Variants in ESYT2 observed in about 807,000 individuals in gnomAD.
ESYT2 encodes extended synaptotagmin 2, also known as extended synaptotagmin-2.
ESYT2 carries 54 observed loss-of-function variants against 107.2 expected under a neutral mutation model. The observed-to-expected ratio is 0.50, with a 90% CI of 0.40 to 0.63. The LOEUF is 0.63. Among genes scored for constraint, ESYT2 ranks in the 30% least tolerant of loss-of-function variants. The pLI is 0.00. For synonymous variants in ESYT2, 491 were observed against 434.1 expected, an observed-to-expected ratio of 1.13 and a Z score of -1.63; for missense variants, 1,020 against 1,094.5, an observed-to-expected ratio of 0.93 and a Z score of 0.96.
chr7:158,740,854 G>A (rs567285181), intron 18 of ESYT2, among the ~76,000 whole-genome samples: 7 of 152,070 alleles, frequency 4.6e-5, no homozygotes, highest in Admixed American at 2.0e-4. Flanking sequence ...CTTTGCCTCC[G>A]TTTCTGTTAC....
chr7:158,780,511 G>A (rs1838736568), intron 6 of ESYT2, among the ~76,000 whole-genome samples: 1 of 152,184 alleles, frequency 6.6e-6, no homozygotes, highest in South Asian at 2.1e-4. Context: ...AATTGTCTTA[G>A]AATCATTTCA....
At chr7:158,764,252 A>G (rs148905491) in intron 9 of ESYT2, among the ~76,000 whole-genome samples, 178 of 152,304 alleles carry the variant, frequency 1.2e-3, no homozygotes, top group African/African-American at 4.1e-3. Flanking sequence ...ATTCGATGGA[A>G]TGGTTATTAA....
Position 158,793,744 on chromosome 7 carries a change from T to C in ESYT2, c.508-18A>G, listed in dbSNP as rs748304849. On this transcript the variant is annotated intron_variant, in intron 3 of 22. Transcript: ENST00000275418. ...CTGAGGGGCTGAAATAAGAAGTAGC[T>C]TATTTTAAGATACAGAGGTTAAAAA... The C allele has an allele frequency of 4.4e-6, 7 of 1,601,168 alleles. No individual in the cohort carries two copies. In the East Asian group the frequency reaches 1.6e-4, roughly 36 times the overall value.
chr7:158,766,739 G>A (rs1015128119), intron 8 of ESYT2, among the ~76,000 whole-genome samples: 1 of 152,140 alleles, frequency 6.6e-6, no homozygotes, highest in Non-Finnish European at 1.5e-5. Context: ...AACTTACCAC[G>A]TCCTGTTTCA....
chr7:158,740,668 G>C (rs1280761329), intron 18 of ESYT2, among the ~76,000 whole-genome samples: 3 of 152,154 alleles, frequency 2.0e-5, no homozygotes, highest in African/African-American at 4.8e-5. Flanking sequence ...CTGAGAAAAA[G>C]TGTTTCCTTG....
At position 158,753,716 on chromosome 7, in the gene ESYT2, G is replaced by A. The variant is rs757268527; in HGVS notation, c.1420-873C>T. Among the ~76,000 whole-genome samples the A allele has an allele frequency of 7.9e-4, 119 of 150,100 alleles. 1 individual carries two copies. The highest frequency in any genetic ancestry group is 4.7e-4 in the Admixed American group (7 of 14,986). Reference sequence around the variant, plus strand: ...GGCCAGGAGAGAAGATGGAACATGCGGCCAGGCAGGAATTCACATGACCCT... The same window carrying A: ...GGCCAGGAGAGAAGATGGAACATGCAGCCAGGCAGGAATTCACATGACCCT... On this transcript the variant is annotated intron_variant, in intron 13 of 22. Transcript: ENST00000275418.
intron 6 of ESYT2, among the ~76,000 whole-genome samples, chr7:158,785,788 G>C (rs1047471703): frequency 6.6e-6 from 1 of 152,066 alleles, no homozygotes; most frequent in African/African-American, 2.4e-5. Context: ...CTCCAACTTC[G>C]TCACCTCAGC....
At chr7:158,772,701 C>T (rs1300898918) in intron 7 of ESYT2, among the ~76,000 whole-genome samples, 10 of 152,090 alleles carry the variant, frequency 6.6e-5, no homozygotes, top group African/African-American at 2.4e-4. Context: ...GATGCACCCT[C>T]CAGGGCCTCA....
intron 1 of ESYT2, among the ~76,000 whole-genome samples, chr7:158,807,253 G>C (rs929975258): frequency 4.2e-4 from 2 of 4,776 alleles, no homozygotes; most frequent in Non-Finnish European, 1.1e-3. Context: ...TCCGTCTGAA[G>C]GAAAAAAAAA....
At chr7:158,772,894 T>TAAAAAAAAAAAA in intron 7 of ESYT2, among the ~76,000 whole-genome samples, 1 of 142,014 alleles carries the variant, frequency 7.0e-6, no homozygotes, top group African/African-American at 2.6e-5. Context: ...GAATAAAAGT[T>TAAAAAAAAAAAA]AAAAAAAAAA....
intron 6 of ESYT2, among the ~76,000 whole-genome samples, chr7:158,784,426 C>G (rs1839037974): frequency 6.6e-6 from 1 of 152,224 alleles, no homozygotes; most frequent in Non-Finnish European, 1.5e-5. Context: ...GCTCACAAGC[C>G]TGTAATCCCA....
At chr7:158,781,960 CGA>C (rs1415335301) in intron 6 of ESYT2, among the ~76,000 whole-genome samples, 8 of 110,958 alleles carry the variant, frequency 7.2e-5, no homozygotes, top group South Asian at 7.3e-4. Context: ...CAAGTGTGAA[CGA>C]GTGTGAGAAC....
At chr7:158,796,651 C>T (rs114660767) in intron 3 of ESYT2, among the ~76,000 whole-genome samples, 2,401 of 152,282 alleles carry the variant, frequency 0.016, 73 homozygotes, top group African/African-American at 0.055. Context: ...AGCCATGAGA[C>T]GGAGGCTGAC....
intron 16 of ESYT2, among the ~76,000 whole-genome samples, chr7:158,745,061 G>A (rs1325860940): frequency 6.6e-6 from 1 of 152,174 alleles, no homozygotes; most frequent in African/African-American, 2.4e-5. Flanking sequence ...GTATCAGATT[G>A]GGGCAAAAGT....
chr7:158,798,646 C>CA lies in ESYT2; in HGVS notation c.372+384dup, dbSNP rs57351086. Among the ~76,000 whole-genome samples the CA allele has an allele frequency of 6.1e-3, 305 of 49,870 alleles. 50 individuals are homozygous for CA. Among genetic ancestry groups the CA allele is most frequent in the African/African-American group, 0.016 (183 of 11,314 alleles). The allele number at this position is 49,870 out of a possible 152,430, so 32.7% of individuals were successfully genotyped here. ...GGGCAACAAGAGTGAAGCTCCGTCT[C>CA]AAAAAAAAAAAAAAAAAAAAAAAAA... is the stretch of plus-strand genomic sequence containing the variant. On this transcript the variant is annotated intron_variant, in intron 2 of 22. Transcript: ENST00000275418.
chr7:158,731,079 T>G lies in ESYT2; in HGVS notation c.*3128A>C, dbSNP rs1836729882. 1 of 152,174 alleles carries G rather than the reference T, an allele frequency of 6.6e-6. No homozygotes were observed. The allele number at this position is 152,174 out of a possible 1,614,324, so 9.4% of individuals were successfully genotyped here. ...GAACAGAAAGGAGGTTCTCTACTTT[T>G]TAACCCCCATCCCCCACCGCTGTTC... On this transcript the variant is annotated 3_prime_UTR_variant, in exon 23 of 23. Coordinates refer to ENST00000275418, the MANE Select transcript of ESYT2 (RefSeq NM_001367773.1).
In ESYT2 at chr7:158,741,838, T is replaced by C. The variant is rs753821043; in HGVS notation, c.1853A>G (p.Lys618Arg). The change falls in exon 18 of 23, where the codon AAA (lysine) becomes AGA (arginine). Residue 618 changes from lysine (K) to arginine (R), a missense_variant. Lys to Arg is a conservative substitution (Grantham distance 26, BLOSUM62 2). Transcript: ENST00000275418. ...PPDHQHSAQVKRPSVSKEGRK... is the reference protein window; with the variant it reads ...PPDHQHSAQVRRPSVSKEGRK... ...CCCCTCTTTGGACACAGAGGGACGT[T>C]TGACTTGAGCTGAGTGTTGGTGGTC... 7.4e-6 allele frequency: 12 copies of C among 1,613,814 alleles called. No homozygotes were observed. Among genetic ancestry groups the C allele is most frequent in the African/African-American group, 1.3e-5 (1 of 74,886 alleles).
rs74792916 is a variant in ESYT2 at position 158,782,142 on chromosome 7, A to T, written c.747+5862T>A. ...GTGAGTGTAAGAACGAGAACAAGTG[A>T]GTGAACAAGTGTGAGTGTGAGAACA... is the stretch of plus-strand genomic sequence containing the variant. On this transcript the variant is annotated intron_variant, in intron 6 of 22. Transcript: ENST00000275418. Among the ~76,000 whole-genome samples, 34 of 135,740 alleles carry T rather than the reference A, an allele frequency of 2.5e-4. 1 individual carries two copies. The highest frequency in any genetic ancestry group is 2.2e-3 in the South Asian group (9 of 4,186). The allele number at this position is 135,740 out of a possible 152,430, so 89.1% of individuals were successfully genotyped here.
intron 7 of ESYT2, among the ~76,000 whole-genome samples, chr7:158,769,935 T>A (rs79222463): frequency 6.6e-6 from 1 of 151,844 alleles, no homozygotes; most frequent in Non-Finnish European, 1.5e-5. Context: ...AATTAATTTA[T>A]TTTTTTTGAG....
Sources: allele counts gnomAD v4.1 joint callset (sites outside exome capture counted in the v4.1 genomes callset), GRCh38; gene constraint gnomAD v4.1.1; transcripts MANE v1.5; gene names NCBI Gene and HGNC (gene_info 2026-07-23, HGNC 2026-07-21).